The following KCNN2 variants were observed in gnomAD, a reference collection of about 807,000 sequenced individuals.
KCNN2 encodes the protein potassium calcium-activated channel subfamily N member 2.
In KCNN2, 24 loss-of-function variants were observed where a neutral mutation model predicts 55.5. The observed-to-expected ratio is 0.43, with a 90% confidence interval of 0.31 to 0.61. The LOEUF is 0.61. Among genes scored for constraint, KCNN2 ranks in the 20% least tolerant of loss-of-function variants. The pLI is 0.08. For synonymous variants in KCNN2, 431 were observed against 336.1 expected, an observed-to-expected ratio of 1.28 and a Z score of -3.09; for missense variants, 754 against 853.6, an observed-to-expected ratio of 0.88 and a Z score of 1.45.
intron 3 of KCNN2, among the ~76,000 whole-genome samples, chr5:114,448,118 T>C (rs1470313494): frequency 1.3e-5 from 2 of 152,228 alleles, no homozygotes; most frequent in Non-Finnish European, 2.9e-5. Flanking sequence ...ATTATATGTT[T>C]ACAAAATTTT....
chr5:114,162,415 G>T (rs1047619392), intron 1 of KCNN2, among the ~76,000 whole-genome samples: 3 of 152,148 alleles, frequency 2.0e-5, no homozygotes, highest in Non-Finnish European at 4.4e-5. Context: ...CGCCCCTACT[G>T]GGGGGTGCCT....
intron 1 of KCNN2, among the ~76,000 whole-genome samples, chr5:114,118,308 A>C (rs1359577186): frequency 6.6e-6 from 1 of 151,736 alleles, no homozygotes; most frequent in Admixed American, 6.6e-5. Context: ...ACATACACAC[A>C]CTCTCTCACT....
intron 5 of KCNN2, among the ~76,000 whole-genome samples, chr5:114,481,630 C>T (rs1337338250): frequency 6.6e-6 from 1 of 152,114 alleles, no homozygotes; most frequent in African/African-American, 2.4e-5. Flanking sequence ...CATCATGGTA[C>T]CCAACTTCAA....
At chr5:114,458,162 T>A (rs541810368) in intron 3 of KCNN2, among the ~76,000 whole-genome samples, 1 of 152,320 alleles carries the variant, frequency 6.6e-6, no homozygotes, top group East Asian at 1.9e-4. Context: ...GAACTGATGG[T>A]GGATTGATCA....
chr5:114,322,043 GTTT>G (rs1402903061), intron 2 of KCNN2, among the ~76,000 whole-genome samples: 2 of 152,158 alleles, frequency 1.3e-5, no homozygotes, highest in African/African-American at 4.8e-5. Flanking sequence ...CAGCTTAGAA[GTTT>G]TCAATAACAT....
rs544236525 is a variant in KCNN2, at chr5:114,331,850, T to C, written c.-184-29095T>C. Among the ~76,000 whole-genome samples the C allele has an allele frequency of 3.7e-4, 56 of 152,296 alleles. 1 individual carries two copies. In the East Asian group the frequency reaches 6.0e-3, roughly 16 times the overall value. ...TACTCAGATAATGCCTATTGATGGATTTACCCTGTTCATTTTTAAATATAT... is the reference window on the plus strand; with the variant it reads ...TACTCAGATAATGCCTATTGATGGACTTACCCTGTTCATTTTTAAATATAT... On this transcript the variant is annotated intron_variant, in intron 2 of 10. Coordinates refer to the KCNN2 transcript ENST00000512097.
At chr5:114,181,084 G>A (rs1410610521) in intron 1 of KCNN2, among the ~76,000 whole-genome samples, 2 of 152,122 alleles carry the variant, frequency 1.3e-5, no homozygotes, top group African/African-American at 4.8e-5. Context: ...AAGTTGTTAT[G>A]AATACTCTCA....
chr5:114,492,503 G>A (rs527848218), intron 6 of KCNN2, among the ~76,000 whole-genome samples: 12 of 152,140 alleles, frequency 7.9e-5, no homozygotes, highest in African/African-American at 2.9e-4. Flanking sequence ...TCTCTTATTG[G>A]AAAATCTTTC....
chr5:114,279,872 C>T (rs1229667691), intron 2 of KCNN2, among the ~76,000 whole-genome samples: 3 of 152,132 alleles, frequency 2.0e-5, no homozygotes, highest in African/African-American at 4.8e-5. Context: ...GAGGAATTGC[C>T]ATACTGTCTT....
intron 1 of KCNN2, among the ~76,000 whole-genome samples, chr5:114,169,730 G>A (rs1393839616): frequency 6.6e-6 from 1 of 152,052 alleles, no homozygotes; most frequent in East Asian, 1.9e-4. Context: ...TGTTGAACAA[G>A]GACATAGATG....
At chr5:114,188,031 T>C (rs1288403251) in intron 1 of KCNN2, among the ~76,000 whole-genome samples, 1 of 152,032 alleles carries the variant, frequency 6.6e-6, no homozygotes, top group East Asian at 1.9e-4. Flanking sequence ...CAGGCTGGTC[T>C]TGAACTCCCG....
At chr5:114,338,607 A>C (rs1350526812) in intron 2 of KCNN2, among the ~76,000 whole-genome samples, 1 of 152,228 alleles carries the variant, frequency 6.6e-6, no homozygotes, top group African/African-American at 2.4e-5. Flanking sequence ...CTATTATTCT[A>C]CATCACCATA....
chr5:114,304,873 T>C (rs141272174), intron 2 of KCNN2, among the ~76,000 whole-genome samples: 10 of 152,288 alleles, frequency 6.6e-5, no homozygotes, highest in Middle Eastern at 3.4e-3. Context: ...TGTGCTTGCT[T>C]TTGAGTGTTA....
At chr5:114,203,044 G>A (rs970133399) in intron 1 of KCNN2, among the ~76,000 whole-genome samples, 1 of 152,140 alleles carries the variant, frequency 6.6e-6, no homozygotes, top group African/African-American at 2.4e-5. Flanking sequence ...TGGCTGTGAA[G>A]GAAAGCCATT....
intron 2 of KCNN2, among the ~76,000 whole-genome samples, chr5:114,245,014 A>G (rs1754723648): frequency 6.6e-6 from 1 of 152,244 alleles, no homozygotes; most frequent in South Asian, 2.1e-4. Context: ...AAAGCCAAGA[A>G]ATAATAGTTG....
intron 2 of KCNN2, among the ~76,000 whole-genome samples, chr5:114,345,977 C>G (rs1580736325): frequency 6.6e-6 from 1 of 152,100 alleles, no homozygotes; most frequent in East Asian, 1.9e-4. Flanking sequence ...GAGACAGGGT[C>G]TCACCATGTT....
chr5:114,313,524 G>A (rs895624260), intron 2 of KCNN2, among the ~76,000 whole-genome samples: 1 of 152,112 alleles, frequency 6.6e-6, no homozygotes, highest in African/African-American at 2.4e-5. Flanking sequence ...CTGACGTGTG[G>A]ACAAAGATGA....
chr5:114,278,107 G>C (rs570427880), intron 2 of KCNN2, among the ~76,000 whole-genome samples: 8 of 152,300 alleles, frequency 5.3e-5, no homozygotes, highest in Admixed American at 2.0e-4. Flanking sequence ...TGTCCCCTCA[G>C]CTGCATGTCT....
At chr5:114,186,262 G>A (rs2112558078) in intron 1 of KCNN2, among the ~76,000 whole-genome samples, 1 of 152,244 alleles carries the variant, frequency 6.6e-6, no homozygotes, top group Admixed American at 6.5e-5. Flanking sequence ...TTTGGGTATA[G>A]TATGGCAATC....
Sources: gnomAD v4.1 joint callset for allele counts (sites outside exome capture counted in the v4.1 genomes callset) on GRCh38, gnomAD v4.1.1 for gene constraint, MANE v1.5 for transcripts, NCBI Gene and HGNC (gene_info 2026-07-23, HGNC 2026-07-21) for gene names.